Variants in PTPRN2 observed in about 807,000 individuals in gnomAD.
PTPRN2 encodes the protein protein tyrosine phosphatase receptor type N2.
A neutral mutation model predicts 118.8 loss-of-function variants in PTPRN2; 74 were observed. The ratio of observed to expected loss-of-function variants is 0.62; its 90% confidence interval spans 0.52 to 0.76. PTPRN2 has a LOEUF of 0.76. Ranked by LOEUF, PTPRN2 falls within the 30% of genes least tolerant of loss-of-function variation. The pLI is 0.00. For synonymous variants in PTPRN2, 641 were observed against 608.0 expected, an observed-to-expected ratio of 1.05 and a Z score of -0.80; for missense variants, 1,481 against 1,394.4, an observed-to-expected ratio of 1.06 and a Z score of -0.99.
chr7:157,984,124 T>C (rs117328382), intron 11 of PTPRN2, among the ~76,000 whole-genome samples: 2,724 of 152,178 alleles, frequency 0.018, 40 homozygotes, highest in Middle Eastern at 0.031. Flanking sequence ...AGCAGCCTTC[T>C]TTATTCTGGC....
At chr7:158,014,246 A>G (rs118198920) in intron 11 of PTPRN2, among the ~76,000 whole-genome samples, 157 of 150,498 alleles carry the variant, frequency 1.0e-3, no homozygotes, top group African/African-American at 3.8e-3. Context: ...TCACCTGTCC[A>G]TCCATCCATC....
chr7:158,225,639 C>T (rs1828711632), intron 3 of PTPRN2, among the ~76,000 whole-genome samples: 1 of 152,104 alleles, frequency 6.6e-6, no homozygotes, highest in African/African-American at 2.4e-5. Flanking sequence ...GGAGTGCAAT[C>T]ATTATATAAT....
At chr7:157,816,914 C>A (rs1212601133) in intron 12 of PTPRN2, among the ~76,000 whole-genome samples, 1 of 152,240 alleles carries the variant, frequency 6.6e-6, no homozygotes, top group African/African-American at 2.4e-5. Flanking sequence ...AGTTACGGGG[C>A]TGGGCACCCC....
rs538763469 is a variant in PTPRN2, at chr7:157,812,313, G to A, written c.1788+86360C>T. On this transcript the variant is annotated intron_variant, in intron 12 of 22. Transcript: ENST00000389418. ...GGGGCTTTGTGGGAGGAGGGGTTCC[G>A]CTGCCCTTCCTGGGGCACCTGTTTC... Among the ~76,000 whole-genome samples, 82 of 152,286 alleles carry A rather than the reference G, an allele frequency of 5.4e-4. 1 individual carries two copies. The South Asian group carries it at 0.015, about 28-fold the overall frequency.
At position 158,120,150 on chromosome 7, in the gene PTPRN2, A is replaced by T. The variant is rs79451830; in HGVS notation, c.1557-9235T>A. ...CCATGTGAGGTTCCTAGAATCCTCA[A>T]ATTCAGAGAGACACAGAGTAGAGTG... is the stretch of plus-strand genomic sequence containing the variant. On this transcript the variant is annotated intron_variant, in intron 9 of 22. Transcript: ENST00000389418. Among the ~76,000 whole-genome samples, 949 of 152,284 alleles carry T rather than the reference A, an allele frequency of 6.2e-3. 12 individuals carry two copies. Among genetic ancestry groups the T allele is most frequent in the African/African-American group, 0.021 (856 of 41,564 alleles).
intron 6 of PTPRN2, among the ~76,000 whole-genome samples, chr7:158,151,514 T>TGCCTCTCCCGGCCCA (rs1563522262): frequency 6.8e-6 from 1 of 146,076 alleles, no homozygotes; most frequent in Non-Finnish European, 1.5e-5. Context: ...TTTCTGCTCC[T>TGCCTCTCCCGGCCCA]CACCGCACGT....
At chr7:157,836,755 C>T (rs1807960129) in intron 12 of PTPRN2, among the ~76,000 whole-genome samples, 1 of 152,148 alleles carries the variant, frequency 6.6e-6, no homozygotes. Flanking sequence ...AGAGGTTTGG[C>T]CTATGTCATG....
intron 11 of PTPRN2, among the ~76,000 whole-genome samples, chr7:158,080,300 G>A (rs1251927373): frequency 4.7e-5 from 1 of 21,190 alleles, no homozygotes; most frequent in Non-Finnish European, 8.6e-5. Context: ...GGGAAAAAAA[G>A]ACACAAATTT....
chr7:157,875,014 GACACA>G (rs1795658141), intron 12 of PTPRN2, among the ~76,000 whole-genome samples: 1 of 94,144 alleles, frequency 1.1e-5, no homozygotes, highest in African/African-American at 3.9e-5. Context: ...CATGCACACA[GACACA>G]CAGACACACG....
intron 1 of PTPRN2, among the ~76,000 whole-genome samples, chr7:158,497,572 A>T (rs1822044748): frequency 1.3e-5 from 2 of 152,294 alleles, no homozygotes; most frequent in East Asian, 3.9e-4. Context: ...CACCCAGAAG[A>T]TTCTGGAAAC....
chr7:157,911,870 C>T (rs191603682), intron 11 of PTPRN2, among the ~76,000 whole-genome samples: 170 of 152,188 alleles, frequency 1.1e-3, no homozygotes, highest in African/African-American at 3.9e-3. Flanking sequence ...TTCTGCTAAC[C>T]CTGTGTTCTG....
intron 11 of PTPRN2, among the ~76,000 whole-genome samples, chr7:157,932,929 T>C (rs955571773): frequency 2.0e-5 from 3 of 148,426 alleles, no homozygotes; most frequent in African/African-American, 7.5e-5. Flanking sequence ...TCGCTCTGAT[T>C]GACAGTTTTA....
intron 5 of PTPRN2, among the ~76,000 whole-genome samples, chr7:158,177,995 C>T: frequency 6.6e-6 from 1 of 152,122 alleles, no homozygotes; most frequent in East Asian, 1.9e-4. Context: ...TATGAGAGGT[C>T]CAGCTCCTCC....
chr7:157,692,483 T>C (rs1286311654), intron 12 of PTPRN2, among the ~76,000 whole-genome samples: 1 of 152,106 alleles, frequency 6.6e-6, no homozygotes, highest in East Asian at 1.9e-4. Flanking sequence ...TGTCCACAGA[T>C]ATGAGTACGG....
At chr7:157,899,735 A>G (rs1357986760) in intron 11 of PTPRN2, among the ~76,000 whole-genome samples, 1 of 152,156 alleles carries the variant, frequency 6.6e-6, no homozygotes, top group Non-Finnish European at 1.5e-5. Context: ...GGGCCTCTCC[A>G]TTGTCTTATG....
chr7:157,771,969 C>G (rs1802861040), intron 12 of PTPRN2, among the ~76,000 whole-genome samples: 1 of 151,528 alleles, frequency 6.6e-6, no homozygotes, highest in African/African-American at 2.4e-5. Flanking sequence ...GACAGACACA[C>G]ACACATACAC....
intron 3 of PTPRN2, among the ~76,000 whole-genome samples, chr7:158,216,995 A>T (rs1828000847): frequency 6.6e-6 from 1 of 152,240 alleles, no homozygotes; most frequent in African/African-American, 2.4e-5. Flanking sequence ...CAAAGAGAAG[A>T]TAATACATTA....
chr7:158,506,221 G>C (rs928918924), intron 1 of PTPRN2, among the ~76,000 whole-genome samples: 14 of 152,222 alleles, frequency 9.2e-5, no homozygotes, highest in African/African-American at 3.4e-4. Context: ...GGGCCATTAG[G>C]AGAACACAGG....
intron 12 of PTPRN2, among the ~76,000 whole-genome samples, chr7:157,746,415 C>T (rs567893196): frequency 2.0e-5 from 3 of 148,962 alleles, no homozygotes; most frequent in East Asian, 4.1e-4. Flanking sequence ...ACAGTCCACA[C>T]GGAGCCCTGA....
Sources: gnomAD v4.1 joint callset for allele counts (sites outside exome capture counted in the v4.1 genomes callset) on GRCh38, gnomAD v4.1.1 for gene constraint, MANE v1.5 for transcripts, NCBI Gene and HGNC (gene_info 2026-07-23, HGNC 2026-07-21) for gene names.